The following KIAA0825 variants were observed in gnomAD, a reference collection of about 807,000 sequenced individuals.
KIAA0825 encodes the protein KIAA0825.
In KIAA0825, 119 loss-of-function variants were observed where a neutral mutation model predicts 147.6. The observed-to-expected ratio is 0.81, with a 90% CI of 0.69 to 0.94. The LOEUF (loss-of-function observed/expected upper bound fraction) is 0.94. Ranked by LOEUF, KIAA0825 falls within the 40% of genes least tolerant of loss-of-function variation. KIAA0825 has a pLI of 0.00. For synonymous variants in KIAA0825, 470 were observed against 518.1 expected, an observed-to-expected ratio of 0.91 and a Z score of 1.26; for missense variants, 1,381 against 1,472.7, an observed-to-expected ratio of 0.94 and a Z score of 1.02.
chr5:94,403,777 C>T lies in KIAA0825; in HGVS notation c.2679G>A (p.Glu893=). Residue 893 remains glutamate, a synonymous_variant, in exon 16 of 21, where the codon GAG becomes GAA. Coordinates refer to ENST00000682413, the MANE Select transcript of KIAA0825 (RefSeq NM_001145678.3). Reference sequence around the variant, plus strand: ...AGCATCGGATGACCTCTAGCTCGTACTCCACGCACGTTGAGACTTTAAAAT... The same window carrying T: ...AGCATCGGATGACCTCTAGCTCGTATTCCACGCACGTTGAGACTTTAAAAT... The part of the protein sequence containing the change: ...LYNIPVSTCV[E]YELEVIRCLR... The T allele has an allele frequency of 6.4e-7, 1 of 1,551,418 alleles. No homozygotes were observed. The highest frequency in any genetic ancestry group is 1.4e-5 in the African/African-American group (1 of 73,108).
At chr5:94,384,854 TA>T (rs1277620013) in intron 19 of KIAA0825, among the ~76,000 whole-genome samples, 3 of 152,172 alleles carry the variant, frequency 2.0e-5, no homozygotes, top group Non-Finnish European at 4.4e-5. Context: ...AAAGTTTGAT[TA>T]AAAAACAAAC....
At position 94,565,095 on chromosome 5, in the gene KIAA0825, C is replaced by CTTTTTTTTTTTTTTTTTTTTTTT. The variant is rs1176429699; in HGVS notation, c.-2+17337_-2+17338insAAAAAAAAAAAAAAAAAAAAAAA. Among the ~76,000 whole-genome samples the CTTTTTTTTTTTTTTTTTTTTTTT allele has an allele frequency of 1.0e-3, 54 of 52,916 alleles. 8 individuals carry two copies. Among genetic ancestry groups the CTTTTTTTTTTTTTTTTTTTTTTT allele is most frequent in the Non-Finnish European group, 1.7e-3 (47 of 27,318 alleles). 34.7% of individuals were successfully genotyped at this position (52,916 alleles called of 152,430 possible). ...CTCTTTCTCTCTCTTTCTTGCTTTC[C>CTTTTTTTTTTTTTTTTTTTTTTT]TTTTTTTTTTTTTTTTTTGGTAGAG... On this transcript the variant is annotated intron_variant, in intron 2 of 20. Transcript: ENST00000682413.
chr5:94,555,345 A>G lies in KIAA0825; in HGVS notation c.-1-18218T>C, dbSNP rs1430856638. ...GTTATTCCATTCAATTTATTTTCTC[A>G]ACTCTTATCTATATATTAGATTTTC... On this transcript the variant is annotated intron_variant, in intron 2 of 20. Transcript: ENST00000682413. Among the ~76,000 whole-genome samples, 3 of 152,088 alleles carry G rather than the reference A, an allele frequency of 2.0e-5. No homozygotes were observed. The East Asian group carries it at 5.8e-4, about 29-fold the overall frequency.
At chr5:94,337,331 T>C (rs1363868732) in intron 20 of KIAA0825, among the ~76,000 whole-genome samples, 1 of 152,200 alleles carries the variant, frequency 6.6e-6, no homozygotes, top group East Asian at 1.9e-4. Context: ...GTGAATTTTG[T>C]AATTTGTCCA....
intron 20 of KIAA0825, among the ~76,000 whole-genome samples, chr5:94,249,621 G>A (rs1775837201): frequency 6.6e-6 from 1 of 151,984 alleles, no homozygotes; most frequent in African/African-American, 2.4e-5. Flanking sequence ...CCAGGGCTCT[G>A]ATAACCTGCT....
At chr5:94,515,791 CAAA>C (rs754577018) in intron 5 of KIAA0825, among the ~76,000 whole-genome samples, 3 of 93,626 alleles carry the variant, frequency 3.2e-5, no homozygotes, top group Non-Finnish European at 2.2e-5. Flanking sequence ...GACTCTGTCT[CAAA>C]AAAAAAAAAA....
At chr5:94,403,912 C>T (rs115533919) in intron 15 of KIAA0825, 119 bp from the exon 16 acceptor site, 14,335 of 748,650 alleles carry the variant, frequency 0.019, 200 homozygotes, top group Non-Finnish European at 0.025. Flanking sequence ...GAGAGCTGCT[C>T]TTAACCAAGA....
chr5:94,381,912 A>G (rs1247753756), intron 20 of KIAA0825, among the ~76,000 whole-genome samples: 1 of 152,132 alleles, frequency 6.6e-6, no homozygotes, highest in Non-Finnish European at 1.5e-5. Flanking sequence ...ACAAGGCACA[A>G]ATGAATTTAA....
At chr5:94,347,192 C>T (rs1783098314) in intron 20 of KIAA0825, among the ~76,000 whole-genome samples, 1 of 152,156 alleles carries the variant, frequency 6.6e-6, no homozygotes, top group Non-Finnish European at 1.5e-5. Flanking sequence ...CACACTTGGC[C>T]CTGCCCCCAC....
intron 20 of KIAA0825, among the ~76,000 whole-genome samples, chr5:94,196,763 T>C (rs1771172036): frequency 6.6e-6 from 1 of 152,238 alleles, no homozygotes; most frequent in South Asian, 2.1e-4. Context: ...GATAATGGCC[T>C]CCAGCTCCAT....
intron 10 of KIAA0825, among the ~76,000 whole-genome samples, chr5:94,469,644 G>A (rs1760978612): frequency 6.6e-6 from 1 of 152,108 alleles, no homozygotes; most frequent in Admixed American, 6.5e-5. Context: ...AAAATGCAAG[G>A]TTGTAGCATT....
intron 12 of KIAA0825, among the ~76,000 whole-genome samples, chr5:94,456,527 G>A (rs1343038199): frequency 6.6e-6 from 1 of 152,142 alleles, no homozygotes; most frequent in African/African-American, 2.4e-5. Context: ...AGGTTATATA[G>A]AGGTAGTGTA....
chr5:94,187,954 T>G (rs1770296575), intron 20 of KIAA0825, among the ~76,000 whole-genome samples: 1 of 152,176 alleles, frequency 6.6e-6, no homozygotes, highest in African/African-American at 2.4e-5. Flanking sequence ...TATGATGGTA[T>G]TAGAAGGTGG....
chr5:94,359,707 C>A (rs1273655039), intron 20 of KIAA0825, among the ~76,000 whole-genome samples: 12 of 152,214 alleles, frequency 7.9e-5, no homozygotes, highest in Admixed American at 7.9e-4. Flanking sequence ...TTCAGTAAGT[C>A]CCTCAAAACA....
At chr5:94,220,248 C>T (rs1773564188) in intron 20 of KIAA0825, among the ~76,000 whole-genome samples, 1 of 152,132 alleles carries the variant, frequency 6.6e-6, no homozygotes, top group Admixed American at 6.5e-5. Flanking sequence ...TACATCTTAT[C>T]CCACTGGAAG....
intron 16 of KIAA0825, among the ~76,000 whole-genome samples, chr5:94,400,897 G>A (rs1751287666): frequency 6.6e-6 from 1 of 151,956 alleles, no homozygotes; most frequent in South Asian, 2.1e-4. Flanking sequence ...TCACCATAGT[G>A]TTTTCCATGT....
intron 12 of KIAA0825, among the ~76,000 whole-genome samples, chr5:94,458,736 C>T (rs1759441239): frequency 6.7e-6 from 1 of 149,842 alleles, no homozygotes; most frequent in Admixed American, 6.7e-5. Flanking sequence ...TTGCATTCTG[C>T]CAGATACCTT....
At chr5:94,444,095 T>A (rs1240740566) in intron 13 of KIAA0825, among the ~76,000 whole-genome samples, 1 of 151,970 alleles carries the variant, frequency 6.6e-6, no homozygotes, top group Non-Finnish European at 1.5e-5. Context: ...AGACAAGGGG[T>A]GAAAGTAGGA....
intron 20 of KIAA0825, among the ~76,000 whole-genome samples, chr5:94,174,505 A>C (rs1413720576): frequency 1.3e-5 from 2 of 152,166 alleles, no homozygotes; most frequent in Non-Finnish European, 2.9e-5. Context: ...CTCATGGCTT[A>C]AAGTGTAAAA....
Sources: gnomAD v4.1 joint callset for allele counts (sites outside exome capture counted in the v4.1 genomes callset) on GRCh38, gnomAD v4.1.1 for gene constraint, MANE v1.5 for transcripts, NCBI Gene and HGNC (gene_info 2026-07-23, HGNC 2026-07-21) for gene names.